The following KIRREL3 variants were observed in gnomAD, a reference collection of about 807,000 sequenced individuals.
KIRREL3 encodes the protein kin of IRRE-like protein 3.
A neutral mutation model predicts 89.7 loss-of-function variants in KIRREL3; 36 were observed. The observed-to-expected ratio is 0.40, with a 90% CI of 0.31 to 0.53. The LOEUF (loss-of-function observed/expected upper bound fraction) is 0.53. Ranked by LOEUF, KIRREL3 falls within the 20% of genes least tolerant of loss-of-function variation. The pLI, the probability that KIRREL3 is intolerant of heterozygous loss-of-function variation, is 0.49. For synonymous variants in KIRREL3, 445 were observed against 441.4 expected (o/e 1.01, Z -0.10); for missense variants, 864 against 1,056.6 (o/e 0.82, Z 2.53).
rs930112244 is a variant in KIRREL3 at position 126,796,872 on chromosome 11, T to C, written c.55+203583A>G. ...AGAGCTGTACCTTAGGTAGAGTACA[T>C]GAAAATCTGATTGTTGGCAGAGCCC... On this transcript the variant is annotated intron_variant, in intron 1 of 16. Coordinates refer to ENST00000525144, the MANE Select transcript of KIRREL3 (RefSeq NM_032531.4). This position sits in a 1 kb window ranked among gnomAD's most constrained non-coding sequence, Gnocchi z 5.1. 6.6e-6 allele frequency among the ~76,000 whole-genome samples: 1 copy of C among 152,060 alleles called. No individual in the cohort carries two copies. The highest frequency in any genetic ancestry group is 2.4e-5 in the African/African-American group (1 of 41,386).
Position 126,520,827 on chromosome 11 carries a change from G to C in KIRREL3, c.433+488C>G, listed in dbSNP as rs1024927776. Among the ~76,000 whole-genome samples the C allele has an allele frequency of 5.3e-5, 8 of 152,140 alleles. No individual in the cohort carries two copies. The highest frequency in any genetic ancestry group is 1.9e-4 in the African/African-American group (8 of 41,430). On this transcript the variant is annotated intron_variant, in intron 4 of 16. Coordinates refer to ENST00000525144, the MANE Select transcript of KIRREL3 (RefSeq NM_032531.4). The surrounding 1 kb of genome is among the most constrained non-coding windows in gnomAD (Gnocchi z 4.9). ...AGCAATGAGGGGTGGAGAAGTCACG[G>C]GGGTCACTGGTGTCCACATGGATAC... is the stretch of plus-strand genomic sequence containing the variant.
Position 126,424,465 on chromosome 11 carries a change from G to T in KIRREL3, c.*115C>A. ...AAGGCAGTGGCAGAGGCGCTGGGAG[G>T]CTGTCCTGGAAGTGGCCAATTCTGG... is the stretch of plus-strand genomic sequence containing the variant. On this transcript the variant is annotated 3_prime_UTR_variant, in exon 17 of 17. Transcript: ENST00000525144. The T allele has an allele frequency of 1.0e-6, 1 of 962,064 alleles. No homozygotes were observed. The highest frequency in any genetic ancestry group is 1.6e-6 in the Non-Finnish European group (1 of 644,536). 59.6% of individuals were successfully genotyped at this position (962,064 alleles called of 1,614,324 possible).
At chr11:126,862,534 G>C (rs916249605) in intron 1 of KIRREL3, among the ~76,000 whole-genome samples, 1 of 152,164 alleles carries the variant, frequency 6.6e-6, no homozygotes, top group African/African-American at 2.4e-5. Flanking sequence ...GGGCACATGG[G>C]CAGCAGGTTT....
At position 126,443,612 on chromosome 11, in the gene KIRREL3, T is replaced by C. The variant is rs1046484775; in HGVS notation, c.1252+1367A>G. ...GGAGAGGAATGGAAATGCGGGGCAG[T>C]GTGGGGGGAGCTGGTGAATGGAGAC... is the stretch of plus-strand genomic sequence containing the variant. On this transcript the variant is annotated intron_variant, in intron 10 of 16. Coordinates refer to ENST00000525144, the MANE Select transcript of KIRREL3 (RefSeq NM_032531.4). This position sits in a 1 kb window ranked among gnomAD's most constrained non-coding sequence, Gnocchi z 7.3. Among the ~76,000 whole-genome samples, 1 of 148,942 alleles carries C rather than the reference T, an allele frequency of 6.7e-6. No homozygotes were observed. The highest frequency in any genetic ancestry group is 2.5e-5 in the African/African-American group (1 of 40,204).
At chr11:126,910,373 G>A (rs1946768248) in intron 1 of KIRREL3, among the ~76,000 whole-genome samples, 2 of 152,148 alleles carry the variant, frequency 1.3e-5, no homozygotes, top group Admixed American at 1.3e-4. Context: ...TTTTGGGGTT[G>A]GGGCCTAGTG....
rs144644453 is a variant in KIRREL3 at position 126,951,401 on chromosome 11, T to G, written c.55+49054A>C. Among the ~76,000 whole-genome samples the G allele has an allele frequency of 5.5e-3, 842 of 152,256 alleles. 3 individuals are homozygous for G. The highest frequency in any genetic ancestry group is 0.014 in the Middle Eastern group (4 of 294). On this transcript the variant is annotated intron_variant, in intron 1 of 16. Transcript: ENST00000525144. ...AGAAACCATGTCTTACATTTTCCAGTTTATTGCCTGCAGCATCTGGCTCAC... is the reference window on the plus strand; with the variant it reads ...AGAAACCATGTCTTACATTTTCCAGGTTATTGCCTGCAGCATCTGGCTCAC...
intron 2 of KIRREL3, among the ~76,000 whole-genome samples, chr11:126,559,908 C>G (rs145362840): frequency 6.6e-6 from 1 of 152,048 alleles, no homozygotes; most frequent in Admixed American, 6.6e-5. Flanking sequence ...GTCTTGAACT[C>G]CTGACCTCAA....
chr11:126,789,477 T>C (rs532901081), intron 1 of KIRREL3, among the ~76,000 whole-genome samples: 2 of 152,298 alleles, frequency 1.3e-5, no homozygotes, highest in East Asian at 1.9e-4. Context: ...TATCCCCTCC[T>C]AGAAAAATTG....
chr11:126,895,746 G>C (rs886382805), intron 1 of KIRREL3, among the ~76,000 whole-genome samples: 2 of 152,118 alleles, frequency 1.3e-5, no homozygotes, highest in African/African-American at 4.8e-5. Flanking sequence ...GCTGGTGGGG[G>C]TTGGAGCTTC....
chr11:126,888,560 C>T (rs7928329), intron 1 of KIRREL3, among the ~76,000 whole-genome samples: 110,349 of 152,120 alleles, frequency 0.73, 40,941 homozygotes, highest in African/African-American at 0.89. Context: ...CTAGACTTTG[C>T]CAAGTCCCAC....
At chr11:126,678,553 T>C (rs1357384683) in intron 1 of KIRREL3, among the ~76,000 whole-genome samples, 1 of 133,320 alleles carries the variant, frequency 7.5e-6, no homozygotes, top group Non-Finnish European at 1.5e-5. Flanking sequence ...TGAGCCGAGA[T>C]TGTGCCACTG....
chr11:126,704,504 G>A lies in KIRREL3; in HGVS notation c.56-141592C>T, dbSNP rs373620048. On this transcript the variant is annotated intron_variant, in intron 1 of 16. Coordinates refer to ENST00000525144, the MANE Select transcript of KIRREL3 (RefSeq NM_032531.4). The surrounding 1 kb of genome is among the most constrained non-coding windows in gnomAD (Gnocchi z 4.2). Reference sequence around the variant, plus strand: ...GTCTGAGAGACCTTGGTGGAGTGCAGCTTCAGCATTTGGGGCCACAGCTCT... The same window carrying A: ...GTCTGAGAGACCTTGGTGGAGTGCAACTTCAGCATTTGGGGCCACAGCTCT... Among the ~76,000 whole-genome samples, 1 of 152,234 alleles carries A rather than the reference G, an allele frequency of 6.6e-6. No individual in the cohort carries two copies. Among genetic ancestry groups the A allele is most frequent in the African/African-American group, 2.4e-5 (1 of 41,454 alleles).
In KIRREL3 at chr11:126,495,752, T is replaced by A. The variant is rs1957638968; in HGVS notation, c.434-22286A>T. Reference sequence around the variant, plus strand: ...CCCATGTGGGCACTCCCTGCCCTTCTCACCGCTCTCCTTGTAAAAGGCAGT... The same window carrying A: ...CCCATGTGGGCACTCCCTGCCCTTCACACCGCTCTCCTTGTAAAAGGCAGT... On this transcript the variant is annotated intron_variant, in intron 4 of 16. Transcript: ENST00000525144. This position sits in a 1 kb window ranked among gnomAD's most constrained non-coding sequence, Gnocchi z 6.5. 6.6e-6 allele frequency among the ~76,000 whole-genome samples: 1 copy of A among 152,166 alleles called. No individual in the cohort carries two copies. The highest frequency in any genetic ancestry group is 6.5e-5 in the Admixed American group (1 of 15,278).
chr11:126,831,946 A>G (rs1266314953), intron 1 of KIRREL3, among the ~76,000 whole-genome samples: 1 of 152,250 alleles, frequency 6.6e-6, no homozygotes, highest in Non-Finnish European at 1.5e-5. Context: ...TGGTTGACAC[A>G]CAGATATTAA....
Position 126,655,668 on chromosome 11 carries a change from G to T in KIRREL3, c.56-92756C>A, listed in dbSNP as rs1425641783. ...AGCAGTGTGTGCCCGTCCACCCTGG[G>T]AGAGGCTTATGAAGGCTGTGTCTCA... On this transcript the variant is annotated intron_variant, in intron 1 of 16. Coordinates refer to ENST00000525144, the MANE Select transcript of KIRREL3 (RefSeq NM_032531.4). The surrounding 1 kb of genome is among the most constrained non-coding windows in gnomAD (Gnocchi z 5.0). 6.6e-6 allele frequency among the ~76,000 whole-genome samples: 1 copy of T among 152,142 alleles called. No individual in the cohort carries two copies. Among genetic ancestry groups the T allele is most frequent in the Non-Finnish European group, 1.5e-5 (1 of 68,032 alleles).
intron 2 of KIRREL3, among the ~76,000 whole-genome samples, chr11:126,560,565 G>A (rs1156584132): frequency 2.0e-5 from 3 of 152,064 alleles, no homozygotes; most frequent in Non-Finnish European, 4.4e-5. Context: ...TTATTTTTTG[G>A]AATGTAGTGA....
chr11:126,965,113 C>T lies in KIRREL3; in HGVS notation c.55+35342G>A, dbSNP rs1949224063. Among the ~76,000 whole-genome samples the T allele has an allele frequency of 6.6e-6, 1 of 152,110 alleles. No homozygotes were observed. Among genetic ancestry groups the T allele is most frequent in the Admixed American group, 6.6e-5 (1 of 15,260 alleles). ...TACCTAGGCCACAGAAAAAGCGGCT[C>T]AAGAACAGAGAGATAAAATGGAGAT... On this transcript the variant is annotated intron_variant, in intron 1 of 16. Transcript: ENST00000525144. The surrounding 1 kb of genome is among the most constrained non-coding windows in gnomAD (Gnocchi z 4.4).
intron 1 of KIRREL3, among the ~76,000 whole-genome samples, chr11:126,958,847 T>C (rs896523574): frequency 4.6e-5 from 7 of 152,208 alleles, no homozygotes; most frequent in African/African-American, 1.7e-4. Context: ...GATGGTTAAT[T>C]TTATGTGTCA....
At position 126,430,645 on chromosome 11, in the gene KIRREL3, G is replaced by C. The variant is rs974894848; in HGVS notation, c.1696+774C>G. ...TCTTCAAACATGTGCAGGCTGCCGA[G>C]TGGCAGAGGAGCAGACCCATTCTGG... On this transcript the variant is annotated intron_variant, in intron 14 of 16. Transcript: ENST00000525144. The surrounding 1 kb of genome is among the most constrained non-coding windows in gnomAD (Gnocchi z 6.6). Among the ~76,000 whole-genome samples, 1 of 152,148 alleles carries C rather than the reference G, an allele frequency of 6.6e-6. No individual in the cohort carries two copies. Among genetic ancestry groups the C allele is most frequent in the African/African-American group, 2.4e-5 (1 of 41,430 alleles).
Sources: gnomAD v4.1 joint callset for allele counts (sites outside exome capture counted in the v4.1 genomes callset) on GRCh38, gnomAD v4.1.1 for gene constraint, Gnocchi (gnomAD v3.1) non-coding constraint, MANE v1.5 for transcripts, NCBI Gene and HGNC (gene_info 2026-07-23, HGNC 2026-07-21) for gene names.